Variants in KLHDC10 observed in about 807,000 individuals in gnomAD.
KLHDC10 encodes kelch domain containing 10, also known as kelch domain-containing protein 10.
A neutral mutation model predicts 56.1 loss-of-function variants in KLHDC10; 24 were observed. The ratio of observed to expected loss-of-function variants is 0.43; its 90% CI spans 0.31 to 0.60. The LOEUF (loss-of-function observed/expected upper bound fraction) is 0.60, where lower values mean the gene tolerates loss of function less well. Among genes scored for constraint, KLHDC10 ranks in the 20% least tolerant of loss-of-function variants. The probability of loss-of-function intolerance (pLI) is 0.11; values close to 1 mark genes in which losing one functional copy is unlikely to be tolerated. For missense variants in KLHDC10, 349 were observed against 567.0 expected (o/e 0.62, Z 3.91); for synonymous variants, 188 against 207.1 (o/e 0.91, Z 0.79).
intron 5 of KLHDC10, 72 bp downstream of exon 5, chr7:130,122,274 A>T (rs1796258137): frequency 2.1e-6 from 3 of 1,447,552 alleles, no homozygotes; most frequent in Admixed American, 2.0e-5. Flanking sequence ...TGTTGGCAAT[A>T]TGAAGAAAAC....
chr7:130,126,478 C>T (rs886968619), intron 7 of KLHDC10, among the ~76,000 whole-genome samples: 11 of 150,772 alleles, frequency 7.3e-5, no homozygotes, highest in Admixed American at 2.6e-4. Flanking sequence ...GAGTTCGAGA[C>T]GAGCCTGGCC....
At position 130,090,353 on chromosome 7, in the gene KLHDC10, C is replaced by T. The variant is rs555657691; in HGVS notation, c.167-6568C>T. ...CCTGTGATCCCACCACTTGGGAGACCGAGGTGGGCAAATCATTGGAGCCCA... is the reference window on the plus strand; with the variant it reads ...CCTGTGATCCCACCACTTGGGAGACTGAGGTGGGCAAATCATTGGAGCCCA... On this transcript the variant is annotated intron_variant, in intron 1 of 9. Transcript: ENST00000335420. Among the ~76,000 whole-genome samples the T allele has an allele frequency of 2.0e-5, 3 of 151,920 alleles. No homozygotes were observed. The East Asian group carries it at 5.8e-4, about 29-fold the overall frequency.
intron 7 of KLHDC10, 122 bp from the exon 8 acceptor site, chr7:130,127,282 G>A: frequency 1.3e-6 from 1 of 786,086 alleles, no homozygotes; most frequent in Non-Finnish European, 2.2e-6. Context: ...GTCAATGTTT[G>A]CTTAACATGT....
chr7:130,112,685 T>C (rs1178309221), intron 2 of KLHDC10, among the ~76,000 whole-genome samples: 1 of 152,222 alleles, frequency 6.6e-6, no homozygotes, highest in Non-Finnish European at 1.5e-5. Context: ...TCCCATGGTT[T>C]ATCCAAAATG....
At chr7:130,129,117 T>A (rs1446077452) in intron 8 of KLHDC10, among the ~76,000 whole-genome samples, 2 of 151,904 alleles carry the variant, frequency 1.3e-5, no homozygotes, top group African/African-American at 4.8e-5. Context: ...GACTTCTGTT[T>A]GTTTATCTTC....
chr7:130,097,890 C>A (rs1795871007), intron 2 of KLHDC10, among the ~76,000 whole-genome samples: 1 of 152,072 alleles, frequency 6.6e-6, no homozygotes, highest in Non-Finnish European at 1.5e-5. Flanking sequence ...AAGAAAATCT[C>A]AAAAGAGGGT....
chr7:130,108,557 A>ATT (rs1170556083), intron 2 of KLHDC10, among the ~76,000 whole-genome samples: 3 of 75,750 alleles, frequency 4.0e-5, no homozygotes, highest in African/African-American at 1.7e-4. Context: ...CCAAATATCC[A>ATT]AAAAAAAAAA....
intron 1 of KLHDC10, among the ~76,000 whole-genome samples, chr7:130,088,926 C>T (rs572212957): frequency 2.4e-4 from 36 of 152,190 alleles, no homozygotes; most frequent in Admixed American, 3.3e-4. Flanking sequence ...AGCCATCGCC[C>T]CTGGCCTCAA....
chr7:130,115,991 T>C (rs527868410), intron 2 of KLHDC10, among the ~76,000 whole-genome samples: 3 of 152,336 alleles, frequency 2.0e-5, no homozygotes, highest in African/African-American at 7.2e-5. Flanking sequence ...TTTTTATTTA[T>C]ACATGACTCA....
At chr7:130,081,237 G>C (rs1453729942) in intron 1 of KLHDC10, among the ~76,000 whole-genome samples, 1 of 151,756 alleles carries the variant, frequency 6.6e-6, no homozygotes, top group Admixed American at 6.6e-5. Flanking sequence ...CTGACCTGGT[G>C]ATCCACCCGC....
At chr7:130,095,082 A>C (rs1011077353) in intron 1 of KLHDC10, among the ~76,000 whole-genome samples, 3 of 152,112 alleles carry the variant, frequency 2.0e-5, no homozygotes, top group Admixed American at 2.0e-4. Flanking sequence ...AGTTTCTTAT[A>C]TATTTAATGT....
intron 1 of KLHDC10, among the ~76,000 whole-genome samples, chr7:130,088,038 G>C (rs1359018960): frequency 1.3e-5 from 2 of 152,006 alleles, no homozygotes; most frequent in Non-Finnish European, 2.9e-5. Context: ...TGGAATTACA[G>C]GTGTGAGCCA....
At chr7:130,074,592 T>C (rs1382035231) in intron 1 of KLHDC10, among the ~76,000 whole-genome samples, 4 of 151,988 alleles carry the variant, frequency 2.6e-5, no homozygotes, top group African/African-American at 7.2e-5. Flanking sequence ...TGACTCTGGA[T>C]AGATGGTTAA....
chr7:130,128,889 A>AAAAATAT, intron 8 of KLHDC10, among the ~76,000 whole-genome samples: 13 of 66,950 alleles, frequency 1.9e-4, no homozygotes, highest in African/African-American at 2.9e-4. Context: ...AAAAAAAAAA[A>AAAAATAT]ATATATATAT....
At chr7:130,124,866 G>A (rs1221465815) in intron 6 of KLHDC10, among the ~76,000 whole-genome samples, 1 of 152,152 alleles carries the variant, frequency 6.6e-6, no homozygotes, top group Non-Finnish European at 1.5e-5. Flanking sequence ...TGTCACATCC[G>A]CATCATCATC....
chr7:130,111,731 G>GA (rs775744332), intron 2 of KLHDC10, among the ~76,000 whole-genome samples: 44 of 150,422 alleles, frequency 2.9e-4, no homozygotes, highest in African/African-American at 8.3e-4. Flanking sequence ...AAAGGAAAAA[G>GA]AAAAAAAAAT....
rs1795857744 is a variant in KLHDC10 at position 130,096,944 on chromosome 7, C to T, written c.190C>T (p.Pro64Ser). ...LPGKKKIRWD[P>S]VRRRFIQSCP... ...AGGTAAGAAGAAAATACGATGGGAC[C>T]CAGTTAGGAGGCGCTTCATTCAGTC... Residue 64 changes from proline to serine, a missense_variant, in exon 2 of 10, where the codon CCA becomes TCA. Pro to Ser is a moderately conservative substitution (Grantham distance 74). This residue lies in a region of KLHDC10 where 104 missense variants were observed against 97.0 expected (regional missense o/e 1.07). Transcript: ENST00000335420. 1 of 1,610,520 alleles carries T rather than the reference C, an allele frequency of 6.2e-7. No homozygotes were observed. Among genetic ancestry groups the T allele is most frequent in the African/African-American group, 1.3e-5 (1 of 74,830 alleles).
chr7:130,093,445 C>G (rs1795807352), intron 1 of KLHDC10, among the ~76,000 whole-genome samples: 1 of 152,080 alleles, frequency 6.6e-6, no homozygotes, highest in Non-Finnish European at 1.5e-5. Context: ...AGGCTGGTCT[C>G]AAACTCCTGG....
intron 1 of KLHDC10, among the ~76,000 whole-genome samples, chr7:130,087,379 G>C (rs1197890808): frequency 6.6e-6 from 1 of 152,054 alleles, no homozygotes; most frequent in Non-Finnish European, 1.5e-5. Context: ...GCTGCATTTA[G>C]AATCCAGCCC....
Sources: gnomAD v4.1 joint callset for allele counts (sites outside exome capture counted in the v4.1 genomes callset) on GRCh38, gnomAD v4.1.1 for gene constraint, gnomAD v4.1.1 regional missense constraint, MANE v1.5 for transcripts, NCBI Gene and HGNC (gene_info 2026-07-23, HGNC 2026-07-21) for gene names.